GALNTL5: variants seen among roughly 807,000 people sequenced by gnomAD.
GALNTL5 encodes the protein inactive polypeptide N-acetylgalactosaminyltransferase-like protein 5.
A neutral mutation model predicts 51.0 loss-of-function variants in GALNTL5; 44 were observed. The observed-to-expected ratio is 0.86, with a 90% confidence interval of 0.68 to 1.11. The LOEUF (loss-of-function observed/expected upper bound fraction) is 1.11. GALNTL5 is among the 50% of genes least tolerant of loss of function. The probability of loss-of-function intolerance (pLI) is 0.00; values close to 1 mark genes in which losing one functional copy is unlikely to be tolerated. For missense variants in GALNTL5, 528 were observed against 531.8 expected, an observed-to-expected ratio of 0.99 and a Z score of 0.07; for synonymous variants, 192 against 182.8, an observed-to-expected ratio of 1.05 and a Z score of -0.41.
At chr7:151,977,529 T>G (rs2081222320) in intron 3 of GALNTL5, among the ~76,000 whole-genome samples, 1 of 152,160 alleles carries the variant, frequency 6.6e-6, no homozygotes. Flanking sequence ...ATGATTCAAG[T>G]TTTTAAAATT....
chr7:151,961,217 G>C (rs1301720228), intron 1 of GALNTL5, among the ~76,000 whole-genome samples: 1 of 151,792 alleles, frequency 6.6e-6, no homozygotes, highest in East Asian at 1.9e-4. Flanking sequence ...GCTGTGCACA[G>C]TGGCTCACAC....
intron 4 of GALNTL5, among the ~76,000 whole-genome samples, chr7:151,984,484 C>T (rs1387107210): frequency 6.6e-6 from 1 of 152,134 alleles, no homozygotes; most frequent in South Asian, 2.1e-4. Context: ...GTTCACCCTG[C>T]GGGGAAGTGA....
chr7:151,995,704 T>C (rs1378720226), intron 5 of GALNTL5, among the ~76,000 whole-genome samples: 1 of 152,254 alleles, frequency 6.6e-6, no homozygotes, highest in East Asian at 1.9e-4. Context: ...TAAATGCTTA[T>C]TATACAGCAA....
chr7:151,966,538 G>A (rs2151938639), intron 1 of GALNTL5, among the ~76,000 whole-genome samples: 1 of 152,116 alleles, frequency 6.6e-6, no homozygotes, highest in African/African-American at 2.4e-5. Flanking sequence ...CAAAATACTG[G>A]GATTACAGGC....
intron 1 of GALNTL5, among the ~76,000 whole-genome samples, chr7:151,963,420 C>A (rs549220061): frequency 6.6e-6 from 1 of 152,312 alleles, no homozygotes; most frequent in East Asian, 1.9e-4. Context: ...TATTTTGAGA[C>A]GGAGTCTCAC....
chr7:151,982,862 A>G (rs752980684), intron 3 of GALNTL5, 124 bp from the exon 4 acceptor site: 5 of 1,579,304 alleles, frequency 3.2e-6, no homozygotes, highest in Admixed American at 1.8e-5. Context: ...CCTTATTACC[A>G]TAATTATCAG....
At chr7:151,990,888 G>A (rs2081421152) in intron 5 of GALNTL5, among the ~76,000 whole-genome samples, 1 of 152,218 alleles carries the variant, frequency 6.6e-6, no homozygotes, top group Non-Finnish European at 1.5e-5. Context: ...ACCCGCCTTG[G>A]ATGGCTAAAT....
intron 5 of GALNTL5, among the ~76,000 whole-genome samples, chr7:151,992,600 C>T (rs1204692569): frequency 6.6e-6 from 1 of 152,098 alleles, no homozygotes; most frequent in Non-Finnish European, 1.5e-5. Context: ...CAGAAGGACT[C>T]CAGTCACATT....
chr7:151,981,456 T>G (rs1376924000), intron 3 of GALNTL5, among the ~76,000 whole-genome samples: 1 of 152,072 alleles, frequency 6.6e-6, no homozygotes, highest in Admixed American at 6.6e-5. Flanking sequence ...CATTCAAGCC[T>G]CTAGTTCTAA....
chr7:152,019,639 C>T lies in GALNTL5; in HGVS notation c.1177-7C>T. 2.5e-6 allele frequency: 4 copies of T among 1,600,606 alleles called. No homozygotes were observed. Among genetic ancestry groups the T allele is most frequent in the Non-Finnish European group, 3.4e-6 (4 of 1,171,592 alleles). ...AACGTAACGACTGACTCTATATTTT[C>T]ATTTAGGAGCAGTTTTTTCTTCGAA... On this transcript the variant is annotated splice_polypyrimidine_tract_variant and splice_region_variant and intron_variant, in intron 8 of 8. Transcript: ENST00000392800.
rs1170140511 is a variant in GALNTL5 at position 151,971,128 on chromosome 7, TAGATAGATAGAA to T, written c.368+67_368+78del. 9.0e-4 allele frequency: 1,182 copies of T among 1,307,076 alleles called. 19 individuals are homozygous for T. The highest frequency in any genetic ancestry group is 1.1e-3 in the Admixed American group (57 of 52,182). The allele number at this position is 1,307,076 out of a possible 1,614,324, so 81.0% of individuals were successfully genotyped here. On this transcript the variant is annotated intron_variant, in intron 3 of 8. Coordinates refer to ENST00000392800, the MANE Select transcript of GALNTL5 (RefSeq NM_145292.4). The stretch of plus-strand genomic sequence containing the variant: ...ATAGATAGATAGATAGATAGATAGA[TAGATAGATAGAA>T]AGAAAACAGTTACTAACCAGATTTT...
rs1307209015 is a variant in GALNTL5 at position 151,982,970 on chromosome 7, T to C, written c.369-16T>C. 7 of 1,613,966 alleles carry C rather than the reference T, an allele frequency of 4.3e-6. No homozygotes were observed. Among genetic ancestry groups the C allele is most frequent in the Non-Finnish European group, 5.9e-6 (7 of 1,180,000 alleles). On this transcript the variant is annotated splice_polypyrimidine_tract_variant and intron_variant, in intron 3 of 8. Transcript: ENST00000392800. ...ATTTAGATGGATGGTTTTCTTCATA[T>C]TGCTTCTGCCTGCAGGTGTCTTCAA...
intron 7 of GALNTL5, among the ~76,000 whole-genome samples, chr7:152,010,173 C>T (rs192962945): frequency 1.5e-4 from 23 of 151,742 alleles, no homozygotes; most frequent in South Asian, 6.2e-4. Flanking sequence ...AGTGCAGTGG[C>T]ACGATCTTGG....
At chr7:152,015,852 T>C (rs2081806529) in intron 8 of GALNTL5, among the ~76,000 whole-genome samples, 1 of 152,068 alleles carries the variant, frequency 6.6e-6, no homozygotes. Context: ...CTTACAAGGG[T>C]GCATGTCCAT....
At position 152,002,962 on chromosome 7, in the gene GALNTL5, C is replaced by T. The variant is rs764108135; in HGVS notation, c.907C>T (p.Arg303Trp). 10 of 1,612,098 alleles carry T rather than the reference C, an allele frequency of 6.2e-6. No homozygotes were observed. Among genetic ancestry groups the T allele is most frequent in the South Asian group, 3.3e-5 (3 of 91,026 alleles). The change falls in exon 6 of 9, where the codon CGG becomes TGG. Residue 303 changes from arginine (R) to tryptophan (W), a missense_variant and splice_region_variant. Arg to Trp is a moderately radical substitution (Grantham distance 101). Coordinates refer to ENST00000392800, the MANE Select transcript of GALNTL5 (RefSeq NM_145292.4). ...DGPEGSTKPI[R>W]SPAMSGGIFA... ...ACCAGAAGGATCTACTAAACCAATC[C>T]GGTGAGATTTCTTCTGGTTTTGGAA...
At chr7:151,987,389 A>C (rs531646591) in intron 5 of GALNTL5, 108 bp downstream of exon 5, 1 of 959,196 alleles carries the variant, frequency 1.0e-6, no homozygotes. Context: ...CTGCTTCATC[A>C]GAAGAGTGGA....
rs146977602 is a variant in GALNTL5, at chr7:152,002,872, A to T, written c.817A>T (p.Arg273Trp). 1.2e-6 allele frequency: 2 copies of T among 1,614,024 alleles called. No homozygotes were observed. The highest frequency in any genetic ancestry group is 1.7e-6 in the Non-Finnish European group (2 of 1,180,004). ...GGAGTATAAGCCCTCTCCTCTTGTA[A>T]GGGGAACTTTTGATTGGAACCTACA... ...TLEYKPSPLV[R>W]GTFDWNLQFK... is the part of the protein sequence containing the mutation. Residue 273 changes from arginine to tryptophan, a missense_variant, in exon 6 of 9, where the codon AGG becomes TGG. Arg to Trp is a moderately radical substitution (Grantham distance 101, BLOSUM62 -3). Transcript: ENST00000392800.
intron 5 of GALNTL5, 34 bp downstream of exon 5, chr7:151,987,315 G>A (rs752505971): frequency 9.8e-6 from 15 of 1,529,848 alleles, no homozygotes; most frequent in South Asian, 2.7e-5. Context: ...AGCCAGTGAC[G>A]GCGTCACAGA....
chr7:152,000,179 T>C (rs1470017614), intron 5 of GALNTL5, among the ~76,000 whole-genome samples: 2 of 152,226 alleles, frequency 1.3e-5, no homozygotes, highest in Non-Finnish European at 2.9e-5. Flanking sequence ...TTTAGATTAG[T>C]AGCTGTATTT....
Sources: gnomAD v4.1 joint callset for allele counts (sites outside exome capture counted in the v4.1 genomes callset) on GRCh38, gnomAD v4.1.1 for gene constraint, MANE v1.5 for transcripts, NCBI Gene and HGNC (gene_info 2026-07-23, HGNC 2026-07-21) for gene names.